Variants in SPINK6 observed in about 807,000 individuals in gnomAD.
SPINK6 encodes serine protease inhibitor Kazal-type 6.
In SPINK6, 13 loss-of-function variants were observed where a neutral mutation model predicts 11.7. The observed-to-expected ratio is 1.11, with a 90% CI of 0.72 to 1.76. The LOEUF (loss-of-function observed/expected upper bound fraction) is 1.76. Ranked by LOEUF, SPINK6 falls within the 40% of genes most tolerant of loss-of-function variation. SPINK6 has a pLI of 0.00. For synonymous variants in SPINK6, 21 were observed against 31.9 expected (o/e 0.66, Z 1.15); for missense variants, 98 against 93.7 (o/e 1.05, Z -0.19).
chr5:148,208,479 TC>T, intron 2 of SPINK6, among the ~76,000 whole-genome samples: 1 of 152,324 alleles, frequency 6.6e-6, no homozygotes, highest in Admixed American at 6.5e-5. Flanking sequence ...GTAATTCTTC[TC>T]ATGCCAAGAA....
chr5:148,210,957 T>C (rs577364196), intron 2 of SPINK6, among the ~76,000 whole-genome samples: 166 of 152,322 alleles, frequency 1.1e-3, no homozygotes, highest in Non-Finnish European at 1.5e-3. Flanking sequence ...TTGTCAGTAA[T>C]AGACAGAAGA....
chr5:148,204,193 T>C (rs1468899515), intron 1 of SPINK6, among the ~76,000 whole-genome samples: 1 of 152,034 alleles, frequency 6.6e-6, no homozygotes, highest in Non-Finnish European at 1.5e-5. Context: ...TCACTGTAGC[T>C]GGTCATAATT....
intron 1 of SPINK6, 28 bp downstream of exon 1, chr5:148,203,182 C>CAT: frequency 6.5e-7 from 1 of 1,543,438 alleles, no homozygotes; most frequent in Non-Finnish European, 8.9e-7. Context: ...ATTAAGATCC[C>CAT]ATATTTATAC....
rs1476937450 is a variant in SPINK6 at position 148,210,003 on chromosome 5, TATAC to T, written c.82-3904_82-3901del. On this transcript the variant is annotated intron_variant, in intron 2 of 3. Transcript: ENST00000325630. ...ATGTATGTATACATATACACGTATG[TATAC>T]ATGTATGTACGCATGTACGCATGCA... Among the ~76,000 whole-genome samples, 242 of 141,500 alleles carry T rather than the reference TATAC, an allele frequency of 1.7e-3. 7 individuals are homozygous for T. The highest frequency in any genetic ancestry group is 7.8e-3 in the Middle Eastern group (2 of 258). The allele number at this position is 141,500 out of a possible 152,430, so 92.8% of individuals were successfully genotyped here.
In SPINK6 at chr5:148,215,052, T is replaced by C; in HGVS notation, c.*102T>C. 3 of 1,120,172 alleles carry C rather than the reference T, an allele frequency of 2.7e-6. No individual in the cohort carries two copies. Among genetic ancestry groups the C allele is most frequent in the Non-Finnish European group, 4.0e-6 (3 of 743,704 alleles). 69.4% of individuals were successfully genotyped at this position (1,120,172 alleles called of 1,614,324 possible). On this transcript the variant is annotated 3_prime_UTR_variant, in exon 4 of 4. Coordinates refer to ENST00000325630, the MANE Select transcript of SPINK6 (RefSeq NM_205841.4). ...TGGATTCCTTTAATTCATAAAGACA[T>C]ACCTACTCTGCCTGGGTCTTGAGGA...
chr5:148,209,991 T>TACACGCGTACGTATGTATGTATAC lies in SPINK6; in HGVS notation c.82-3918_82-3917insCACGCGTACGTATGTATGTATACA, dbSNP rs1398978551. ...ACATACGTACGTATGTATGTATACA[T>TACACGCGTACGTATGTATGTATAC]ATACACGTATGTATACATGTATGTA... On this transcript the variant is annotated intron_variant, in intron 2 of 3. Coordinates refer to ENST00000325630, the MANE Select transcript of SPINK6 (RefSeq NM_205841.4). Among the ~76,000 whole-genome samples, 21 of 145,506 alleles carry TACACGCGTACGTATGTATGTATAC rather than the reference T, an allele frequency of 1.4e-4. 2 individuals carry two copies. The South Asian group carries it at 4.2e-3, about 29-fold the overall frequency.
In SPINK6 at chr5:148,206,210, T is replaced by A. The variant is rs115305366; in HGVS notation, c.81+152T>A. On this transcript the variant is annotated intron_variant, in intron 2 of 3. Coordinates refer to ENST00000325630, the MANE Select transcript of SPINK6 (RefSeq NM_205841.4). ...TCAGCAGAAATTATTATTCTTTAACTAAACTCTTGTCAGTTTAAAAGAACC... is the reference window on the plus strand; with the variant it reads ...TCAGCAGAAATTATTATTCTTTAACAAAACTCTTGTCAGTTTAAAAGAACC... The A allele has an allele frequency of 4.3e-3, 3,025 of 709,204 alleles. 75 individuals carry two copies. The African/African-American group carries it at 0.049, about 11-fold the overall frequency. 43.9% of individuals were successfully genotyped at this position (709,204 alleles called of 1,614,324 possible). A position where few individuals can be genotyped will look rare whatever the true frequency, so the allele number is the denominator to read the frequency against.
intron 2 of SPINK6, among the ~76,000 whole-genome samples, chr5:148,210,640 A>G (rs537549749): frequency 1.3e-5 from 2 of 152,152 alleles, no homozygotes; most frequent in South Asian, 4.1e-4. Flanking sequence ...GGAAATGACC[A>G]TAATTAATAT....
chr5:148,213,972 T>G lies in SPINK6; in HGVS notation c.144T>G (p.Cys48Trp). Reference protein sequence around the residue: ...VYCTRESNPHCGSDGQTYGNK... With the variant: ...VYCTRESNPHWGSDGQTYGNK... Reference sequence around the variant, plus strand: ...GCACTCGGGAATCTAACCCACACTGTGGCTCTGATGGCCAGACATATGGCA... The same window carrying G: ...GCACTCGGGAATCTAACCCACACTGGGGCTCTGATGGCCAGACATATGGCA... The change falls in exon 3 of 4, where the codon TGT becomes TGG. Residue 48 changes from cysteine (C) to tryptophan (W), a missense_variant. By Grantham distance (215) the Cys-to-Trp change is radical (BLOSUM62 -2). Transcript: ENST00000325630. 6.2e-7 allele frequency: 1 copy of G among 1,613,954 alleles called. No homozygotes were observed. Among genetic ancestry groups the G allele is most frequent in the Non-Finnish European group, 8.5e-7 (1 of 1,179,824 alleles).
At chr5:148,204,770 G>A (rs959663251) in intron 1 of SPINK6, among the ~76,000 whole-genome samples, 7 of 152,120 alleles carry the variant, frequency 4.6e-5, no homozygotes, top group African/African-American at 1.7e-4. Context: ...GTACTAAATT[G>A]GACTCCGTCA....
At chr5:148,208,152 G>T (rs1043002029) in intron 2 of SPINK6, among the ~76,000 whole-genome samples, 1 of 152,076 alleles carries the variant, frequency 6.6e-6, no homozygotes, top group Non-Finnish European at 1.5e-5. Flanking sequence ...CCTTCTCATT[G>T]CCTTTGTTTC....
intron 3 of SPINK6, among the ~76,000 whole-genome samples, chr5:148,214,515 T>C (rs895828476): frequency 6.6e-6 from 1 of 152,210 alleles, no homozygotes; most frequent in Admixed American, 6.5e-5. Flanking sequence ...CTTGAATGTG[T>C]CACCTGCTCT....
In SPINK6 at chr5:148,203,169, A is replaced by G; in HGVS notation, c.58+15A>G. 6.3e-7 allele frequency: 1 copy of G among 1,598,426 alleles called. No homozygotes were observed. The stretch of plus-strand genomic sequence containing the variant: ...CTTTTTAACAGGTAAGTTTTTTCTT[A>G]AAATTAAGATCCCATATTTATACTG... On this transcript the variant is annotated intron_variant, in intron 1 of 3. Transcript: ENST00000325630.
At chr5:148,209,071 T>C (rs1385219524) in intron 2 of SPINK6, among the ~76,000 whole-genome samples, 1 of 152,224 alleles carries the variant, frequency 6.6e-6, no homozygotes, top group Non-Finnish European at 1.5e-5. Context: ...AATTGGTGAA[T>C]TTTCATACAA....
At chr5:148,210,007 C>CATCCACACGTACGTATGT (rs1554112271) in intron 2 of SPINK6, among the ~76,000 whole-genome samples, 3 of 105,730 alleles carry the variant, frequency 2.8e-5, no homozygotes, top group Non-Finnish European at 3.7e-5. Context: ...CGTATGTATA[C>CATCCACACGTACGTATGT]ATGTATGTAC....
In SPINK6 at chr5:148,210,121, T is replaced by C. The variant is rs1468499884; in HGVS notation, c.82-3789T>C. On this transcript the variant is annotated intron_variant, in intron 2 of 3. Transcript: ENST00000325630. Reference sequence around the variant, plus strand: ...GTATGTATGCACATATGTATGTATGTTTACATTTATTTCTGCATACATATG... The same window carrying C: ...GTATGTATGCACATATGTATGTATGCTTACATTTATTTCTGCATACATATG... Among the ~76,000 whole-genome samples, 3 of 150,602 alleles carry C rather than the reference T, an allele frequency of 2.0e-5. 1 individual carries two copies. The highest frequency in any genetic ancestry group is 2.1e-4 in the South Asian group (1 of 4,768).
chr5:148,208,872 C>T (rs575555151), intron 2 of SPINK6, among the ~76,000 whole-genome samples: 57 of 152,196 alleles, frequency 3.7e-4, no homozygotes, highest in Non-Finnish European at 6.5e-4. Flanking sequence ...ACTGCATTGC[C>T]TTTAATATTT....
At chr5:148,212,858 A>G (rs1383008259) in intron 2 of SPINK6, among the ~76,000 whole-genome samples, 9 of 141,716 alleles carry the variant, frequency 6.4e-5, no homozygotes, top group Non-Finnish European at 1.1e-4. Context: ...ATATAAATAT[A>G]TATTTATAAT....
At chr5:148,208,096 T>A (rs1755523771) in intron 2 of SPINK6, among the ~76,000 whole-genome samples, 1 of 151,980 alleles carries the variant, frequency 6.6e-6, no homozygotes, top group Non-Finnish European at 1.5e-5. Flanking sequence ...ATGAGTGGAG[T>A]CCTCATTCAT....
Sources: allele counts gnomAD v4.1 joint callset (sites outside exome capture counted in the v4.1 genomes callset), GRCh38; gene constraint gnomAD v4.1.1; transcripts MANE v1.5; gene names NCBI Gene and HGNC (gene_info 2026-07-23, HGNC 2026-07-21).